Variants in TRIM32 observed in about 807,000 individuals in gnomAD.
TRIM32 encodes the protein E3 ubiquitin-protein ligase TRIM32.
In TRIM32, 19 loss-of-function variants were observed where a neutral mutation model predicts 36.0. The observed-to-expected ratio is 0.53, with a 90% CI of 0.37 to 0.77. The LOEUF is 0.77. Ranked by LOEUF, TRIM32 falls within the 30% of genes least tolerant of loss-of-function variation. The probability of loss-of-function intolerance (pLI) is 0.00; values close to 1 mark genes in which losing one functional copy is unlikely to be tolerated. For synonymous variants in TRIM32, 309 were observed against 318.5 expected, an observed-to-expected ratio of 0.97 and a Z score of 0.32; for missense variants, 747 against 845.2, an observed-to-expected ratio of 0.88 and a Z score of 1.44.
chr9:116,697,706 C>A lies in TRIM32; in HGVS notation c.-37C>A. On this transcript the variant is annotated 5_prime_UTR_variant, in exon 2 of 2. The change creates a new upstream start codon in the 5' untranslated region. Coordinates refer to ENST00000450136, the MANE Select transcript of TRIM32 (RefSeq NM_012210.4). Reference sequence around the variant, plus strand: ...GGCATGAATACTGTGCTGTTCAGTTCTGAGCTGTGCTAGCAATACCCTTCA... The same window carrying A: ...GGCATGAATACTGTGCTGTTCAGTTATGAGCTGTGCTAGCAATACCCTTCA... The A allele has an allele frequency of 6.2e-7, 1 of 1,612,428 alleles. No individual in the cohort carries two copies. Among genetic ancestry groups the A allele is most frequent in the Non-Finnish European group, 8.5e-7 (1 of 1,179,906 alleles).
At chr9:116,688,471 A>C (rs1454777627) in intron 1 of TRIM32, among the ~76,000 whole-genome samples, 1 of 152,164 alleles carries the variant, frequency 6.6e-6, no homozygotes, top group Non-Finnish European at 1.5e-5. Context: ...TATGAAGATG[A>C]GCAGAGTTCA....
In TRIM32 at chr9:116,698,184, G is replaced by A; in HGVS notation, c.442G>A (p.Asp148Asn). The change falls in exon 2 of 2, where the codon GAC becomes AAC. Residue 148 changes from aspartate to asparagine, a missense_variant. Transcript: ENST00000450136. This position sits in a 1 kb window ranked among gnomAD's most constrained non-coding sequence, Gnocchi z 4.4. ...VKEAAEERRRDFGEKLTRLRE... is the reference protein window; with the variant it reads ...VKEAAEERRRNFGEKLTRLRE... ...AGAAGCAGCTGAGGAGCGGCGTCGG[G>A]ACTTTGGAGAGAAGTTAACTCGTCT... 6.2e-7 allele frequency: 1 copy of A among 1,614,180 alleles called. No homozygotes were observed. Among genetic ancestry groups the A allele is most frequent in the South Asian group, 1.1e-5 (1 of 91,080 alleles).
At chr9:116,687,848 G>A (rs1012949706) in intron 1 of TRIM32, among the ~76,000 whole-genome samples, 2 of 152,010 alleles carry the variant, frequency 1.3e-5, no homozygotes, top group African/African-American at 4.8e-5. Context: ...GATGATAGGA[G>A]CAAGGTCTAG....
chr9:116,687,378 T>G lies in TRIM32; in HGVS notation c.-85T>G, dbSNP rs1588199432. 3.9e-6 allele frequency: 1 copy of G among 256,556 alleles called. No individual in the cohort carries two copies. Among genetic ancestry groups the G allele is most frequent in the Non-Finnish European group, 5.9e-6 (1 of 170,266 alleles). The allele number at this position is 256,556 out of a possible 1,614,324, so 15.9% of individuals were successfully genotyped here. On this transcript the variant is annotated 5_prime_UTR_variant, in exon 1 of 2. Coordinates refer to ENST00000450136, the MANE Select transcript of TRIM32 (RefSeq NM_012210.4). ...GTGGACTCGTCGGAGCCGCGGGCGG[T>G]CAGGTAGGGGGCGGGAAGGAGGGTT...
rs538918400 is a variant in TRIM32, at chr9:116,687,360, C to T, written c.-103C>T. 1.7e-5 allele frequency: 9 copies of T among 531,106 alleles called. No homozygotes were observed. Among genetic ancestry groups the T allele is most frequent in the Non-Finnish European group, 1.9e-5 (8 of 422,542 alleles). 32.9% of individuals were successfully genotyped at this position (531,106 alleles called of 1,614,324 possible). ...GCGGGTGGGCTGCCGGCGGTGGACT[C>T]GTCGGAGCCGCGGGCGGTCAGGTAG... On this transcript the variant is annotated 5_prime_UTR_variant, in exon 1 of 2. Coordinates refer to ENST00000450136, the MANE Select transcript of TRIM32 (RefSeq NM_012210.4).
chr9:116,689,958 T>G (rs1160423016), intron 1 of TRIM32, among the ~76,000 whole-genome samples: 1 of 152,176 alleles, frequency 6.6e-6, no homozygotes, highest in African/African-American at 2.4e-5. Context: ...TATGGTCTCT[T>G]TTGGTCTGCT....
intron 1 of TRIM32, among the ~76,000 whole-genome samples, chr9:116,697,100 C>T (rs918245503): frequency 1.3e-5 from 2 of 152,078 alleles, no homozygotes; most frequent in African/African-American, 2.4e-5. Flanking sequence ...AGGTAGAATC[C>T]ATCATTCCAT....
chr9:116,692,695 T>C (rs572600335), intron 1 of TRIM32, among the ~76,000 whole-genome samples: 1 of 152,304 alleles, frequency 6.6e-6, no homozygotes, highest in Admixed American at 6.5e-5. Context: ...TTAGTCCTAG[T>C]TCTGTTGTGT....
rs886063386 is a variant in TRIM32, at chr9:116,700,911, A to G, written c.*1207A>G. ...GCCAAAAGCACTATTATGTAAAGAT[A>G]ATAATCCAAATCTTTCTCCCAAATA... On this transcript the variant is annotated 3_prime_UTR_variant, in exon 2 of 2. Coordinates refer to ENST00000450136, the MANE Select transcript of TRIM32 (RefSeq NM_012210.4). 2 of 167,164 alleles carry G rather than the reference A, an allele frequency of 1.2e-5. No individual in the cohort carries two copies. Among genetic ancestry groups the G allele is most frequent in the South Asian group, 4.1e-4 (2 of 4,828 alleles). 10.4% of individuals were successfully genotyped at this position (167,164 alleles called of 1,614,324 possible).
At chr9:116,687,873 C>T (rs1860352196) in intron 1 of TRIM32, among the ~76,000 whole-genome samples, 1 of 151,472 alleles carries the variant, frequency 6.6e-6, no homozygotes. Context: ...ATCCTAAGTG[C>T]TATTGAGAAA....
rs373660071 is a variant in TRIM32, at chr9:116,699,836, A to G, written c.*132A>G. The G allele has an allele frequency of 1.3e-4, 157 of 1,171,536 alleles. 2 individuals are homozygous for G. In the South Asian group the frequency reaches 2.1e-3, roughly 15 times the overall value. 72.6% of individuals were successfully genotyped at this position (1,171,536 alleles called of 1,614,324 possible). ...CAGCTGGGTAGTTCTAGAACTTCAGAAGCTCCATCTTTTAATGTTTTTATT... is the reference window on the plus strand; with the variant it reads ...CAGCTGGGTAGTTCTAGAACTTCAGGAGCTCCATCTTTTAATGTTTTTATT... On this transcript the variant is annotated 3_prime_UTR_variant, in exon 2 of 2. Coordinates refer to ENST00000450136, the MANE Select transcript of TRIM32 (RefSeq NM_012210.4). The surrounding 1 kb of genome is among the most constrained non-coding windows in gnomAD (Gnocchi z 4.2).
chr9:116,698,911 G>A lies in TRIM32; in HGVS notation c.1169G>A (p.Arg390His), dbSNP rs146094774. Residue 390 changes from arginine to histidine, a missense_variant, in exon 2 of 2, where the codon CGT (arginine) becomes CAT (histidine). Coordinates refer to ENST00000450136, the MANE Select transcript of TRIM32 (RefSeq NM_012210.4). This position sits in a 1 kb window ranked among gnomAD's most constrained non-coding sequence, Gnocchi z 4.4. ...CAAGGTGAAGTACTAGTCGCTGACC[G>A]TGGTAACTATCGTATACAAGTCTTT... ...TSQGEVLVAD[R>H]GNYRIQVFTR... 9 of 1,614,214 alleles carry A rather than the reference G, an allele frequency of 5.6e-6. No individual in the cohort carries two copies. The highest frequency in any genetic ancestry group is 1.1e-5 in the South Asian group (1 of 91,080).
rs764186649 is a variant in TRIM32 at position 116,698,736 on chromosome 9, G to A, written c.994G>A (p.Val332Met). 1.2e-6 allele frequency: 2 copies of A among 1,614,066 alleles called. No homozygotes were observed. Among genetic ancestry groups the A allele is most frequent in the Non-Finnish European group, 1.7e-6 (2 of 1,180,050 alleles). The change falls in exon 2 of 2, where the codon GTG (valine) becomes ATG (methionine). Residue 332 changes from valine (V) to methionine (M), a missense_variant. Val to Met is a conservative substitution (Grantham distance 21). Coordinates refer to ENST00000450136, the MANE Select transcript of TRIM32 (RefSeq NM_012210.4). This position sits in a 1 kb window ranked among gnomAD's most constrained non-coding sequence, Gnocchi z 4.4. Reference sequence around the variant, plus strand: ...AGAGATGGACATGAGCCCGGAGGAAGTGGTTGCCAGCCCTAGGGCCTCACC... The same window carrying A: ...AGAGATGGACATGAGCCCGGAGGAAATGGTTGCCAGCCCTAGGGCCTCACC... Reference protein sequence around the residue: ...FREMDMSPEEVVASPRASPAK... With the variant: ...FREMDMSPEEMVASPRASPAK...
At chr9:116,690,332 C>T (rs1183182568) in intron 1 of TRIM32, among the ~76,000 whole-genome samples, 1 of 152,232 alleles carries the variant, frequency 6.6e-6, no homozygotes, top group Non-Finnish European at 1.5e-5. Flanking sequence ...GGTTAAATGA[C>T]TTACCCAGGG....
In TRIM32 at chr9:116,687,379, C is replaced by A. The variant is rs1227245553; in HGVS notation, c.-84C>A. ...TGGACTCGTCGGAGCCGCGGGCGGTCAGGTAGGGGGCGGGAAGGAGGGTTG... is the reference window on the plus strand; with the variant it reads ...TGGACTCGTCGGAGCCGCGGGCGGTAAGGTAGGGGGCGGGAAGGAGGGTTG... On this transcript the variant is annotated splice_region_variant and 5_prime_UTR_variant, in exon 1 of 2. Transcript: ENST00000450136. The A allele has an allele frequency of 8.3e-6, 3 of 359,630 alleles. No individual in the cohort carries two copies. Among genetic ancestry groups the A allele is most frequent in the African/African-American group, 4.8e-5 (2 of 41,886 alleles). The allele number at this position is 359,630 out of a possible 1,614,324, so 22.3% of individuals were successfully genotyped here.
chr9:116,699,651 G>A lies in TRIM32; in HGVS notation c.1909G>A (p.Asp637Asn). 1 of 1,614,148 alleles carries A rather than the reference G, an allele frequency of 6.2e-7. No homozygotes were observed. Among genetic ancestry groups the A allele is most frequent in the Non-Finnish European group, 8.5e-7 (1 of 1,180,014 alleles). ...KGQLLVLDCWDHCIKIYSYHL... is the reference protein window; with the variant it reads ...KGQLLVLDCWNHCIKIYSYHL... ...GCAGCTGCTGGTCTTGGACTGTTGG[G>A]ATCATTGCATCAAGATCTACAGCTA... Residue 637 changes from aspartate (D) to asparagine (N), a missense_variant, in exon 2 of 2, where the codon GAT becomes AAT. Coordinates refer to ENST00000450136, the MANE Select transcript of TRIM32 (RefSeq NM_012210.4). The surrounding 1 kb of genome is among the most constrained non-coding windows in gnomAD (Gnocchi z 4.2).
rs143186354 is a variant in TRIM32 at position 116,699,635 on chromosome 9, G to A, written c.1893G>A (p.Leu631=). 6.2e-7 allele frequency: 1 copy of A among 1,614,208 alleles called. No individual in the cohort carries two copies. Among genetic ancestry groups the A allele is most frequent in the Non-Finnish European group, 8.5e-7 (1 of 1,180,036 alleles). The change falls in exon 2 of 2, where the codon CTG becomes CTA. Residue 631 remains leucine (L), a synonymous_variant. Transcript: ENST00000450136. This position sits in a 1 kb window ranked among gnomAD's most constrained non-coding sequence, Gnocchi z 4.2. ...GIALTPKGQL[L]VLDCWDHCIK... is the part of the protein sequence containing the mutation. ...CCCTAACTCCTAAGGGGCAGCTGCT[G>A]GTCTTGGACTGTTGGGATCATTGCA...
At chr9:116,689,171 A>G (rs190500188) in intron 1 of TRIM32, among the ~76,000 whole-genome samples, 1 of 152,268 alleles carries the variant, frequency 6.6e-6, no homozygotes, top group African/African-American at 2.4e-5. Context: ...AGGCACTCTG[A>G]CCTAGAGTCA....
At chr9:116,688,144 G>A (rs1164266503) in intron 1 of TRIM32, among the ~76,000 whole-genome samples, 3 of 152,046 alleles carry the variant, frequency 2.0e-5, no homozygotes, top group Non-Finnish European at 4.4e-5. Flanking sequence ...GAGTGTGGCA[G>A]AGATTTGGAA....
Sources: allele counts gnomAD v4.1 joint callset (sites outside exome capture counted in the v4.1 genomes callset), GRCh38; gene constraint gnomAD v4.1.1; non-coding constraint Gnocchi (gnomAD v3.1); transcripts MANE v1.5; gene names NCBI Gene and HGNC (gene_info 2026-07-23, HGNC 2026-07-21).